Variants in SULF1 observed in about 807,000 individuals in gnomAD.
SULF1 encodes the protein sulfatase 1.
In SULF1, 46 loss-of-function variants were observed where a neutral mutation model predicts 110.5. The observed-to-expected ratio is 0.42, with a 90% CI of 0.33 to 0.53. The LOEUF (loss-of-function observed/expected upper bound fraction) is 0.53. Among genes scored for constraint, SULF1 ranks in the 20% least tolerant of loss-of-function variants. The pLI, the probability that SULF1 is intolerant of heterozygous loss-of-function variation, is 0.12. For synonymous variants in SULF1, 371 were observed against 387.1 expected (o/e 0.96, Z 0.49); for missense variants, 941 against 1,094.2 (o/e 0.86, Z 1.98).
chr8:69,566,283 A>G (rs1012185223), intron 5 of SULF1, among the ~76,000 whole-genome samples: 2 of 152,226 alleles, frequency 1.3e-5, no homozygotes, highest in African/African-American at 4.8e-5. Context: ...ATTCATCATC[A>G]TCTACCTCTT....
chr8:69,565,627 G>A (rs1217615165), intron 5 of SULF1, among the ~76,000 whole-genome samples: 1 of 152,018 alleles, frequency 6.6e-6, no homozygotes, highest in Non-Finnish European at 1.5e-5. Context: ...GCCTCCTCTA[G>A]TCTTGGCCTC....
chr8:69,515,975 A>G (rs375446126), intron 3 of SULF1, among the ~76,000 whole-genome samples: 1 of 152,158 alleles, frequency 6.6e-6, no homozygotes, highest in East Asian at 1.9e-4. Context: ...CACTATCAGC[A>G]TTTTGGTCAC....
intron 15 of SULF1, 45 bp from the exon 16 acceptor site, chr8:69,627,165 A>C (rs1195634806): frequency 7.0e-7 from 1 of 1,431,370 alleles, no homozygotes; most frequent in East Asian, 2.3e-5. Context: ...GTTTTCTGCT[A>C]TTAGAATATA....
chr8:69,556,647 A>G (rs1022827142), intron 3 of SULF1, among the ~76,000 whole-genome samples: 2 of 152,232 alleles, frequency 1.3e-5, no homozygotes, highest in Non-Finnish European at 2.9e-5. Context: ...ATTTAATGAA[A>G]TTTAATGTAA....
At chr8:69,490,121 G>A (rs946954382), upstream of SULF1, among the ~76,000 whole-genome samples, 1 of 52,848 alleles carries the variant, frequency 1.9e-5, no homozygotes, top group African/African-American at 6.9e-5. Flanking sequence ...TTTTTTTTTT[G>A]AGATGGGGTC....
intron 22 of SULF1, among the ~76,000 whole-genome samples, chr8:69,652,485 G>A (rs1812418412): frequency 6.6e-6 from 1 of 152,238 alleles, no homozygotes. Context: ...TCCTGTGAAA[G>A]TCCACAGACC....
chr8:69,568,049 G>A (rs1345953848), intron 5 of SULF1, among the ~76,000 whole-genome samples: 1 of 152,146 alleles, frequency 6.6e-6, no homozygotes, highest in East Asian at 1.9e-4. Flanking sequence ...GGCATGAAGT[G>A]TTATCTCATT....
At chr8:69,620,759 T>C (rs753699009) in intron 13 of SULF1, among the ~76,000 whole-genome samples, 4 of 152,212 alleles carry the variant, frequency 2.6e-5, no homozygotes, top group Non-Finnish European at 5.9e-5. Context: ...GTCTGCGTGC[T>C]AAGGATTCAT....
intron 3 of SULF1, among the ~76,000 whole-genome samples, chr8:69,543,032 G>A (rs1299377275): frequency 1.3e-5 from 2 of 152,226 alleles, no homozygotes; most frequent in South Asian, 2.1e-4. Context: ...ACTATGACAC[G>A]CATGACAAAC....
At chr8:69,515,281 C>T (rs1563486488) in intron 3 of SULF1, among the ~76,000 whole-genome samples, 1 of 152,334 alleles carries the variant, frequency 6.6e-6, no homozygotes, top group Middle Eastern at 3.4e-3. Flanking sequence ...CTTCTGCACA[C>T]CTGAAGGCCC....
chr8:69,498,113 CCACACACACACACA>C (rs71257190), intron 2 of SULF1, among the ~76,000 whole-genome samples: 8 of 148,724 alleles, frequency 5.4e-5, no homozygotes, highest in South Asian at 4.3e-4. Context: ...CTCTCTCTCT[CCACACACACACACA>C]CACACACACA....
intron 22 of SULF1, among the ~76,000 whole-genome samples, chr8:69,646,292 C>A (rs1811902879): frequency 6.6e-6 from 1 of 152,158 alleles, no homozygotes; most frequent in Non-Finnish European, 1.5e-5. Flanking sequence ...GGCTCCATCA[C>A]TTCCCAATTT....
chr8:69,550,904 T>G (rs955969090), intron 3 of SULF1, among the ~76,000 whole-genome samples: 1 of 152,186 alleles, frequency 6.6e-6, no homozygotes, highest in Admixed American at 6.5e-5. Flanking sequence ...CGCATCCCTT[T>G]CCCTACTCTT....
At chr8:69,656,119 A>C (rs150967034) in intron 22 of SULF1, among the ~76,000 whole-genome samples, 497 of 152,250 alleles carry the variant, frequency 3.3e-3, no homozygotes, top group African/African-American at 0.012. Flanking sequence ...TGGATATGAG[A>C]TGCTAGGTTC....
intron 13 of SULF1, among the ~76,000 whole-genome samples, chr8:69,617,008 AT>A (rs1490560863): frequency 1.3e-5 from 2 of 152,154 alleles, no homozygotes. Context: ...AGAGGCAGAG[AT>A]CATCCAGGTA....
intron 5 of SULF1, among the ~76,000 whole-genome samples, chr8:69,575,027 C>G (rs1439508816): frequency 2.0e-5 from 3 of 152,058 alleles, no homozygotes; most frequent in Non-Finnish European, 4.4e-5. Flanking sequence ...AGAAGTGGGA[C>G]CTGTTGGAAA....
At chr8:69,557,803 G>A (rs1815214523) in intron 3 of SULF1, among the ~76,000 whole-genome samples, 1 of 152,210 alleles carries the variant, frequency 6.6e-6, no homozygotes, top group Non-Finnish European at 1.5e-5. Context: ...TTGTGTGGCA[G>A]GAGGAGAGGA....
chr8:69,569,606 T>A (rs1021137738), intron 5 of SULF1, among the ~76,000 whole-genome samples: 2 of 152,222 alleles, frequency 1.3e-5, no homozygotes, highest in Non-Finnish European at 2.9e-5. Context: ...CATGTCTCTA[T>A]CAAAGGTAAA....
At chr8:69,475,114 G>A (rs1809245602) in intron 1 of SULF1, among the ~76,000 whole-genome samples, 1 of 151,738 alleles carries the variant, frequency 6.6e-6, no homozygotes, top group East Asian at 1.9e-4. Context: ...GCAAAGAAGA[G>A]AAAAAAAGGA....
Sources: allele counts gnomAD v4.1 joint callset (sites outside exome capture counted in the v4.1 genomes callset), GRCh38; gene constraint gnomAD v4.1.1; transcripts MANE v1.5; gene names NCBI Gene and HGNC (gene_info 2026-07-23, HGNC 2026-07-21).